The following ATXN7L3B variants were observed in gnomAD, a reference collection of about 807,000 sequenced individuals.
ATXN7L3B encodes the protein ataxin-7-like protein 3B.
A neutral mutation model predicts 6.3 loss-of-function variants in ATXN7L3B; 4 were observed. The ratio of observed to expected loss-of-function variants is 0.63; its 90% CI spans 0.31 to 1.45. The LOEUF is 1.45. Among genes scored for constraint, ATXN7L3B ranks in the 40% most tolerant of loss-of-function variants. ATXN7L3B has a pLI of 0.07. For missense variants in ATXN7L3B, 120 were observed against 118.5 expected (o/e 1.01, Z -0.06); for synonymous variants, 63 against 48.0 (o/e 1.31, Z -1.29).
At position 74,540,196 on chromosome 12, in the gene ATXN7L3B, G is replaced by A. The variant is rs1592596088; in HGVS notation, c.*1790G>A. 1 of 166,810 alleles carries A rather than the reference G, an allele frequency of 6.0e-6. No homozygotes were observed. The highest frequency in any genetic ancestry group is 1.9e-4 in the East Asian group (1 of 5,190). The allele number at this position is 166,810 out of a possible 1,614,324, so 10.3% of individuals were successfully genotyped here. On this transcript the variant is annotated 3_prime_UTR_variant, in exon 1 of 1. Coordinates refer to ENST00000519948, the MANE Select transcript of ATXN7L3B (RefSeq NM_001136262.2). ...CTTAATTTTTTGTATTTAAAATGCA[G>A]TGTCATGCCTATAAGCATTTCTCCT...
chr12:74,543,291 T>C lies in ATXN7L3B; in HGVS notation c.*4885T>C, dbSNP rs1868942085. ...ACAAGTGGTGGAAGCAAAAGTAGAA[T>C]GCTGCTGTTGTGACTCCTAGGTCAG... On this transcript the variant is annotated 3_prime_UTR_variant, in exon 1 of 1. Transcript: ENST00000519948. 1 of 152,098 alleles carries C rather than the reference T, an allele frequency of 6.6e-6. No individual in the cohort carries two copies. The highest frequency in any genetic ancestry group is 1.5e-5 in the Non-Finnish European group (1 of 67,950). 9.4% of individuals were successfully genotyped at this position (152,098 alleles called of 1,614,324 possible).
Position 74,538,484 on chromosome 12 carries a change from A to G in ATXN7L3B, c.*78A>G. ...TGGCTTCGAGGAGTAAGCTAAGTAGAAAAAAGTAGAAAAATCAGACAAAAG... is the reference window on the plus strand; with the variant it reads ...TGGCTTCGAGGAGTAAGCTAAGTAGGAAAAAGTAGAAAAATCAGACAAAAG... On this transcript the variant is annotated 3_prime_UTR_variant, in exon 1 of 1. Coordinates refer to ENST00000519948, the MANE Select transcript of ATXN7L3B (RefSeq NM_001136262.2). The G allele has an allele frequency of 6.2e-6, 8 of 1,295,542 alleles. No individual in the cohort carries two copies. The highest frequency in any genetic ancestry group is 7.3e-6 in the Non-Finnish European group (7 of 956,374). 80.3% of individuals were successfully genotyped at this position (1,295,542 alleles called of 1,614,324 possible). A position where few individuals can be genotyped will look rare whatever the true frequency, so the allele number is the denominator to read the frequency against.
chr12:74,539,616 G>C lies in ATXN7L3B; in HGVS notation c.*1210G>C, dbSNP rs755462673. Reference sequence around the variant, plus strand: ...AGACTGTCACCACTTTCTGTCTGCCGCTCGAAAGGGATAGTCCTTTCCACT... The same window carrying C: ...AGACTGTCACCACTTTCTGTCTGCCCCTCGAAAGGGATAGTCCTTTCCACT... On this transcript the variant is annotated 3_prime_UTR_variant, in exon 1 of 1. Coordinates refer to ENST00000519948, the MANE Select transcript of ATXN7L3B (RefSeq NM_001136262.2). 1.2e-5 allele frequency: 2 copies of C among 167,050 alleles called. No homozygotes were observed. The highest frequency in any genetic ancestry group is 4.8e-5 in the African/African-American group (2 of 41,422). The allele number at this position is 167,050 out of a possible 1,614,324, so 10.3% of individuals were successfully genotyped here. A position where few individuals can be genotyped will look rare whatever the true frequency, so the allele number is the denominator to read the frequency against.
Position 74,538,395 on chromosome 12 carries a change from G to T in ATXN7L3B, c.283G>T (p.Glu95Ter). Residue 95 changes from glutamate (E) to a stop codon, truncating the protein, a stop_gained, in exon 1 of 1, where the codon GAA becomes TAA. Transcript: ENST00000519948. LOFTEE classifies it high-confidence loss of function. ...TCAGCAGCTGCAGCGCTCACCTCCG[G>T]AATTCCAGTAGCTGCAAAATGAGAG... ...PDQQLQRSPP[E>*]FQ 1 of 1,550,874 alleles carries T rather than the reference G, an allele frequency of 6.4e-7. No individual in the cohort carries two copies. The highest frequency in any genetic ancestry group is 8.7e-7 in the Non-Finnish European group (1 of 1,146,428).
Position 74,544,527 on chromosome 12 carries a change from G to C in ATXN7L3B, c.*6121G>C, listed in dbSNP as rs779155137. ...CACACAGATTACACGTTTATGTCTT[G>C]ATGTGTGGTTAAATTTGTATTATAA... On this transcript the variant is annotated 3_prime_UTR_variant, in exon 1 of 1. Coordinates refer to ENST00000519948, the MANE Select transcript of ATXN7L3B (RefSeq NM_001136262.2). The C allele has an allele frequency of 2.7e-5, 4 of 146,286 alleles. No individual in the cohort carries two copies. Among genetic ancestry groups the C allele is most frequent in the Non-Finnish European group, 4.7e-5 (3 of 63,410 alleles). The allele number at this position is 146,286 out of a possible 1,614,324, so 9.1% of individuals were successfully genotyped here. A position where few individuals can be genotyped will look rare whatever the true frequency, so the allele number is the denominator to read the frequency against.
Position 74,543,412 on chromosome 12 carries a change from TG to T in ATXN7L3B, c.*5007del, listed in dbSNP as rs1354564621. ...ATGCTTATGAACAACGTTAGGGCAATGAATTTGAAAACAAAAAAAGGGAAGT... is the reference window on the plus strand; with the variant it reads ...ATGCTTATGAACAACGTTAGGGCAATAATTTGAAAACAAAAAAAGGGAAGT... On this transcript the variant is annotated 3_prime_UTR_variant, in exon 1 of 1. Transcript: ENST00000519948. 6.6e-6 allele frequency: 1 copy of T among 151,988 alleles called. No individual in the cohort carries two copies. Among genetic ancestry groups the T allele is most frequent in the African/African-American group, 2.4e-5 (1 of 41,422 alleles). 9.4% of individuals were successfully genotyped at this position (151,988 alleles called of 1,614,324 possible).
Position 74,538,324 on chromosome 12 carries a change from G to T in ATXN7L3B, c.212G>T (p.Arg71Leu). 1 of 1,553,106 alleles carries T rather than the reference G, an allele frequency of 6.4e-7. No individual in the cohort carries two copies. Among genetic ancestry groups the T allele is most frequent in the Non-Finnish European group, 8.7e-7 (1 of 1,147,806 alleles). ...IQPVEDKGAC[R>L]LPLCSLPGEP... is the part of the protein sequence containing the mutation. ...CCAGTGGAAGACAAAGGAGCGTGCC[G>T]CCTCCCGCTTTGCTCCCTTCCCGGA... Residue 71 changes from arginine to leucine, a missense_variant, in exon 1 of 1, where the codon CGC (arginine) becomes CTC (leucine). Arg to Leu is a moderately radical substitution (Grantham distance 102, BLOSUM62 -2). Coordinates refer to ENST00000519948, the MANE Select transcript of ATXN7L3B (RefSeq NM_001136262.2).
Position 74,538,057 on chromosome 12 carries a change from C to G in ATXN7L3B, c.-56C>G. Reference sequence around the variant, plus strand: ...CCTAGGCGCGGCCCGCGGAGCCAGACGTGTTGCTGCCGTGAGTAAAACGAG... The same window carrying G: ...CCTAGGCGCGGCCCGCGGAGCCAGAGGTGTTGCTGCCGTGAGTAAAACGAG... On this transcript the variant is annotated 5_prime_UTR_variant, in exon 1 of 1. Transcript: ENST00000519948. The G allele has an allele frequency of 6.6e-7, 1 of 1,511,400 alleles. No homozygotes were observed. The highest frequency in any genetic ancestry group is 1.4e-5 in the African/African-American group (1 of 72,452). The allele number at this position is 1,511,400 out of a possible 1,614,324, so 93.6% of individuals were successfully genotyped here. A position where few individuals can be genotyped will look rare whatever the true frequency, so the allele number is the denominator to read the frequency against.
rs2605380 is a variant in ATXN7L3B at position 74,539,386 on chromosome 12, G to A, written c.*980G>A. 1 allele frequency: 166,826 copies of A among 167,370 alleles called. 83,147 individuals are homozygous for A. The highest frequency in any genetic ancestry group is 1 in the Middle Eastern group (302 of 302). The allele number at this position is 167,370 out of a possible 1,614,324, so 10.4% of individuals were successfully genotyped here. On this transcript the variant is annotated 3_prime_UTR_variant, in exon 1 of 1. Transcript: ENST00000519948. ...CACCCTGGGGGCAGGACTGAAGTAT[G>A]GAAGAGCATCATGGCTGTGCAGGAG... is the stretch of plus-strand genomic sequence containing the variant.
In ATXN7L3B at chr12:74,543,902, A is replaced by G. The variant is rs1177114326; in HGVS notation, c.*5496A>G. ...CCAGTTACTATACTTATTAATGAAT[A>G]CTTGGAAGCACTCCCTTTAAAAGCA... On this transcript the variant is annotated 3_prime_UTR_variant, in exon 1 of 1. Transcript: ENST00000519948. The G allele has an allele frequency of 6.6e-6, 1 of 152,096 alleles. No individual in the cohort carries two copies. The highest frequency in any genetic ancestry group is 2.4e-5 in the African/African-American group (1 of 41,472). The allele number at this position is 152,096 out of a possible 1,614,324, so 9.4% of individuals were successfully genotyped here. A position where few individuals can be genotyped will look rare whatever the true frequency, so the allele number is the denominator to read the frequency against.
Position 74,538,509 on chromosome 12 carries a change from G to A in ATXN7L3B, c.*103G>A. 4 of 1,069,858 alleles carry A rather than the reference G, an allele frequency of 3.7e-6. No individual in the cohort carries two copies. The highest frequency in any genetic ancestry group is 5.3e-6 in the Non-Finnish European group (4 of 752,116). 66.3% of individuals were successfully genotyped at this position (1,069,858 alleles called of 1,614,324 possible). The stretch of plus-strand genomic sequence containing the variant: ...AAAAAAGTAGAAAAATCAGACAAAA[G>A]TTTTAATTCCCCCTTGAAGATCCTA... On this transcript the variant is annotated 3_prime_UTR_variant, in exon 1 of 1. Coordinates refer to ENST00000519948, the MANE Select transcript of ATXN7L3B (RefSeq NM_001136262.2).
In ATXN7L3B at chr12:74,541,555, TCCTC is replaced by T. The variant is rs1868899828; in HGVS notation, c.*3153_*3156del. The T allele has an allele frequency of 6.5e-6, 1 of 153,826 alleles. No homozygotes were observed. The highest frequency in any genetic ancestry group is 2.1e-4 in the South Asian group (1 of 4,822). 9.5% of individuals were successfully genotyped at this position (153,826 alleles called of 1,614,324 possible). On this transcript the variant is annotated 3_prime_UTR_variant, in exon 1 of 1. Coordinates refer to ENST00000519948, the MANE Select transcript of ATXN7L3B (RefSeq NM_001136262.2). ...TGAAATGCTATTGAACCTTAATACT[TCCTC>T]CCTAACAGGAGTTTTATCAGAACAG...
rs1317855266 is a variant in ATXN7L3B at position 74,540,775 on chromosome 12, A to T, written c.*2369A>T. 6.0e-6 allele frequency: 1 copy of T among 167,108 alleles called. No homozygotes were observed. The highest frequency in any genetic ancestry group is 6.5e-5 in the Admixed American group (1 of 15,282). The allele number at this position is 167,108 out of a possible 1,614,324, so 10.4% of individuals were successfully genotyped here. A position where few individuals can be genotyped will look rare whatever the true frequency, so the allele number is the denominator to read the frequency against. On this transcript the variant is annotated 3_prime_UTR_variant, in exon 1 of 1. Transcript: ENST00000519948. ...CCAATCCCTCTGCCTTCAGATAGGG[A>T]ACTCAAATCCTGAAATTACTGTTTT...
Position 74,538,119 on chromosome 12 carries a change from G to A in ATXN7L3B, c.7G>A (p.Glu3Lys). 1 of 1,555,914 alleles carries A rather than the reference G, an allele frequency of 6.4e-7. No individual in the cohort carries two copies. The highest frequency in any genetic ancestry group is 8.7e-7 in the Non-Finnish European group (1 of 1,149,268). ME[E>K]ISLANLDTNK... is the part of the protein sequence containing the mutation. ...CACTCGTTTACAAATTAAAATGGAG[G>A]AAATTTCGTTGGCCAACCTGGATAC... Residue 3 changes from glutamate (E) to lysine (K), a missense_variant, in exon 1 of 1, where the codon GAA becomes AAA. Coordinates refer to ENST00000519948, the MANE Select transcript of ATXN7L3B (RefSeq NM_001136262.2).
Position 74,538,043 on chromosome 12 carries a change from C to T in ATXN7L3B, c.-70C>T. The T allele has an allele frequency of 2.0e-6, 3 of 1,479,630 alleles. No homozygotes were observed. Among genetic ancestry groups the T allele is most frequent in the South Asian group, 1.3e-5 (1 of 75,752 alleles). The allele number at this position is 1,479,630 out of a possible 1,614,324, so 91.7% of individuals were successfully genotyped here. A position where few individuals can be genotyped will look rare whatever the true frequency, so the allele number is the denominator to read the frequency against. ...GAAAGGCCTCTAGGCCTAGGCGCGG[C>T]CCGCGGAGCCAGACGTGTTGCTGCC... On this transcript the variant is annotated 5_prime_UTR_variant, in exon 1 of 1. Coordinates refer to ENST00000519948, the MANE Select transcript of ATXN7L3B (RefSeq NM_001136262.2).
chr12:74,544,568 C>T lies in ATXN7L3B; in HGVS notation c.*6162C>T, dbSNP rs1868977644. 6.6e-6 allele frequency: 1 copy of T among 151,866 alleles called. No individual in the cohort carries two copies. Among genetic ancestry groups the T allele is most frequent in the Non-Finnish European group, 1.5e-5 (1 of 67,836 alleles). 9.4% of individuals were successfully genotyped at this position (151,866 alleles called of 1,614,324 possible). A position where few individuals can be genotyped will look rare whatever the true frequency, so the allele number is the denominator to read the frequency against. ...TGTATTATAATCAGTGGAATATAAA[C>T]CAGTATTGTGGAACAGATTATCCAT... On this transcript the variant is annotated 3_prime_UTR_variant, in exon 1 of 1. Coordinates refer to ENST00000519948, the MANE Select transcript of ATXN7L3B (RefSeq NM_001136262.2).
rs1017968298 is a variant in ATXN7L3B at position 74,540,197 on chromosome 12, T to C, written c.*1791T>C. 2 of 167,046 alleles carry C rather than the reference T, an allele frequency of 1.2e-5. No homozygotes were observed. Among genetic ancestry groups the C allele is most frequent in the Admixed American group, 6.5e-5 (1 of 15,284 alleles). The allele number at this position is 167,046 out of a possible 1,614,324, so 10.3% of individuals were successfully genotyped here. ...TTAATTTTTTGTATTTAAAATGCAG[T>C]GTCATGCCTATAAGCATTTCTCCTA... On this transcript the variant is annotated 3_prime_UTR_variant, in exon 1 of 1. Coordinates refer to ENST00000519948, the MANE Select transcript of ATXN7L3B (RefSeq NM_001136262.2).
Position 74,543,144 on chromosome 12 carries a change from T to C in ATXN7L3B, c.*4738T>C, listed in dbSNP as rs1411863464. On this transcript the variant is annotated 3_prime_UTR_variant, in exon 1 of 1. Coordinates refer to ENST00000519948, the MANE Select transcript of ATXN7L3B (RefSeq NM_001136262.2). The stretch of plus-strand genomic sequence containing the variant: ...TTCCCATTTTTGAAAACATTTTCAA[T>C]CATATTTCTTGAGACTCATTGGAAA... The C allele has an allele frequency of 6.6e-6, 1 of 152,092 alleles. No homozygotes were observed. Among genetic ancestry groups the C allele is most frequent in the Non-Finnish European group, 1.5e-5 (1 of 67,970 alleles). The allele number at this position is 152,092 out of a possible 1,614,324, so 9.4% of individuals were successfully genotyped here.
chr12:74,543,136 A>G lies in ATXN7L3B; in HGVS notation c.*4730A>G, dbSNP rs2087575726. 6.6e-6 allele frequency: 1 copy of G among 152,088 alleles called. No individual in the cohort carries two copies. The highest frequency in any genetic ancestry group is 1.5e-5 in the Non-Finnish European group (1 of 67,962). 9.4% of individuals were successfully genotyped at this position (152,088 alleles called of 1,614,324 possible). On this transcript the variant is annotated 3_prime_UTR_variant, in exon 1 of 1. Transcript: ENST00000519948. ...TATTTGTTTTCCCATTTTTGAAAAC[A>G]TTTTCAATCATATTTCTTGAGACTC...
Sources: allele counts gnomAD v4.1 joint callset, GRCh38; gene constraint gnomAD v4.1.1; transcripts MANE v1.5; gene names NCBI Gene and HGNC (gene_info 2026-07-23, HGNC 2026-07-21).